RSRC1: variants seen among roughly 807,000 people sequenced by gnomAD.
RSRC1 encodes serine/Arginine-related protein 53.
In RSRC1, 39 loss-of-function variants were observed where a neutral mutation model predicts 49.1. That is an observed-to-expected ratio of 0.79 (90% CI 0.61 to 1.04). RSRC1 has a LOEUF of 1.04. RSRC1 is among the 50% of genes least tolerant of loss of function. The pLI, the probability that RSRC1 is intolerant of heterozygous loss-of-function variation, is 0.00. For synonymous variants in RSRC1, 143 were observed against 130.8 expected, an observed-to-expected ratio of 1.09 and a Z score of -0.63; for missense variants, 388 against 402.4, an observed-to-expected ratio of 0.96 and a Z score of 0.31.
intron 6 of RSRC1, among the ~76,000 whole-genome samples, chr3:158,454,588 G>A (rs192958569): frequency 1.3e-5 from 2 of 152,216 alleles, no homozygotes; most frequent in Admixed American, 1.3e-4. Flanking sequence ...GATGCAATCA[G>A]TATCTTCCCA....
chr3:158,491,169 T>G (rs1739069503), intron 7 of RSRC1, among the ~76,000 whole-genome samples: 1 of 152,318 alleles, frequency 6.6e-6, no homozygotes, highest in Non-Finnish European at 1.5e-5. Context: ...CATTTCCTCT[T>G]GTCTACTAGG....
At chr3:158,476,245 G>A (rs1261632878) in intron 7 of RSRC1, among the ~76,000 whole-genome samples, 4 of 152,170 alleles carry the variant, frequency 2.6e-5, no homozygotes, top group African/African-American at 7.2e-5. Flanking sequence ...AAGGAAAGTA[G>A]TAGTCTTCGT....
intron 3 of RSRC1, among the ~76,000 whole-genome samples, chr3:158,193,756 A>G (rs1451749624): frequency 6.6e-6 from 1 of 152,282 alleles, no homozygotes; most frequent in East Asian, 1.9e-4. Context: ...AGAATCAGGT[A>G]ACATCTGTGG....
Position 158,124,132 on chromosome 3 carries a change from A to C in RSRC1, c.320+141A>C, listed in dbSNP as rs76544227. On this transcript the variant is annotated intron_variant, in intron 3 of 9. Transcript: ENST00000611884. ...ACTTATTTTTTTCTCACCTGGGGTC[A>C]TTCATGCAGTTAGTCATCTGATAGC... is the stretch of plus-strand genomic sequence containing the variant. 8.4e-3 allele frequency: 4,128 copies of C among 491,642 alleles called. 144 individuals are homozygous for C. Among genetic ancestry groups the C allele is most frequent in the African/African-American group, 0.075 (3,798 of 50,846 alleles). The allele number at this position is 491,642 out of a possible 1,614,324, so 30.5% of individuals were successfully genotyped here. A position where few individuals can be genotyped will look rare whatever the true frequency, so the allele number is the denominator to read the frequency against.
intron 6 of RSRC1, among the ~76,000 whole-genome samples, chr3:158,374,244 A>G (rs1311330328): frequency 1.3e-5 from 2 of 152,094 alleles, no homozygotes; most frequent in African/African-American, 2.4e-5. Context: ...GCTCCTATTT[A>G]TATGTAATGC....
intron 5 of RSRC1, among the ~76,000 whole-genome samples, chr3:158,337,209 C>T (rs1470897043): frequency 1.3e-5 from 2 of 152,198 alleles, no homozygotes; most frequent in Non-Finnish European, 2.9e-5. Flanking sequence ...ATTCCACATC[C>T]TCATTCCACA....
At chr3:158,341,121 A>G (rs1730212250) in intron 5 of RSRC1, among the ~76,000 whole-genome samples, 1 of 152,216 alleles carries the variant, frequency 6.6e-6, no homozygotes, top group Admixed American at 6.5e-5. Flanking sequence ...GAAACAGAGC[A>G]TAAAAGTTCA....
intron 6 of RSRC1, among the ~76,000 whole-genome samples, chr3:158,365,123 G>A (rs1731690003): frequency 6.6e-6 from 1 of 151,866 alleles, no homozygotes; most frequent in South Asian, 2.1e-4. Flanking sequence ...ACATTATCAG[G>A]AATTAAGAAT....
intron 3 of RSRC1, among the ~76,000 whole-genome samples, chr3:158,148,601 A>G (rs1717317832): frequency 6.6e-6 from 1 of 152,074 alleles, no homozygotes; most frequent in Non-Finnish European, 1.5e-5. Flanking sequence ...TCATAAACTC[A>G]TCTTTTAATC....
At chr3:158,442,788 T>C (rs1736454663) in intron 6 of RSRC1, among the ~76,000 whole-genome samples, 1 of 152,070 alleles carries the variant, frequency 6.6e-6, no homozygotes, top group Non-Finnish European at 1.5e-5. Flanking sequence ...TATAGGGCTA[T>C]AGCTGCCATA....
chr3:158,509,074 A>C (rs1408583218), intron 7 of RSRC1, among the ~76,000 whole-genome samples: 1 of 152,214 alleles, frequency 6.6e-6, no homozygotes, highest in East Asian at 1.9e-4. Flanking sequence ...GCTTTGCCTA[A>C]CCTAAGATCA....
At position 158,122,519 on chromosome 3, in the gene RSRC1, GTA is replaced by G. The variant is rs1160077532; in HGVS notation, c.194+222_194+223del. 2.6e-5 allele frequency among the ~76,000 whole-genome samples: 4 copies of G among 151,816 alleles called. No homozygotes were observed. The East Asian group carries it at 7.7e-4, about 29-fold the overall frequency. On this transcript the variant is annotated intron_variant, in intron 2 of 9. Coordinates refer to ENST00000611884, the MANE Select transcript of RSRC1 (RefSeq NM_001271838.2). ...AGTAGGCAAATAGATAGAAAGTGGT[GTA>G]GTTTCCTTTTTTAATTTAATTTAAT...
At chr3:158,316,007 A>G (rs1186996891) in intron 5 of RSRC1, among the ~76,000 whole-genome samples, 2 of 151,972 alleles carry the variant, frequency 1.3e-5, no homozygotes, top group South Asian at 2.1e-4. Flanking sequence ...CCCCGTCTCC[A>G]CTAAAAATAA....
At chr3:158,423,440 C>G (rs537341215) in intron 6 of RSRC1, among the ~76,000 whole-genome samples, 10 of 152,058 alleles carry the variant, frequency 6.6e-5, no homozygotes, top group Admixed American at 4.6e-4. Context: ...ATCTATATCT[C>G]TGTTTTGGTA....
intron 6 of RSRC1, among the ~76,000 whole-genome samples, chr3:158,367,776 C>G (rs1731856211): frequency 6.6e-6 from 1 of 151,326 alleles, no homozygotes. Context: ...TTTTTTCAAT[C>G]AAGTATGGTT....
At chr3:158,371,347 A>G (rs78346571) in intron 6 of RSRC1, among the ~76,000 whole-genome samples, 8,158 of 151,862 alleles carry the variant, frequency 0.054, 319 homozygotes, top group South Asian at 0.1. Flanking sequence ...CTAATTGTAG[A>G]ATAATCCTAT....
chr3:158,482,394 T>A (rs564588291), intron 7 of RSRC1, among the ~76,000 whole-genome samples: 8 of 152,088 alleles, frequency 5.3e-5, no homozygotes, highest in Non-Finnish European at 1.0e-4. Flanking sequence ...CAAATATTCT[T>A]CAACTTTTAG....
At chr3:158,457,167 A>G in intron 6 of RSRC1, among the ~76,000 whole-genome samples, 1 of 152,216 alleles carries the variant, frequency 6.6e-6, no homozygotes, top group East Asian at 1.9e-4. Flanking sequence ...CAGAGATCAA[A>G]TAGGAGCTCC....
intron 7 of RSRC1, among the ~76,000 whole-genome samples, chr3:158,461,997 G>GAAAAAA (rs3086337): frequency 1.7e-5 from 2 of 119,140 alleles, no homozygotes; most frequent in African/African-American, 2.9e-5. Flanking sequence ...AAAACCAAGC[G>GAAAAAA]AAAAAAAAAA....
Sources: allele counts gnomAD v4.1 joint callset (sites outside exome capture counted in the v4.1 genomes callset), GRCh38; gene constraint gnomAD v4.1.1; transcripts MANE v1.5; gene names NCBI Gene and HGNC (gene_info 2026-07-23, HGNC 2026-07-21).